The following TBC1D12 variants were observed in gnomAD, a reference collection of about 807,000 sequenced individuals.
TBC1D12 encodes TBC1 domain family, member 12.
Under a neutral mutation model 86.7 loss-of-function variants are expected in TBC1D12, and 56 were observed. The observed-to-expected ratio is 0.65, with a 90% confidence interval of 0.52 to 0.81. The LOEUF is 0.81. TBC1D12 is among the 30% of genes least tolerant of loss of function. TBC1D12 has a pLI of 0.00. For missense variants in TBC1D12, 1,023 were observed against 1,038.8 expected (o/e 0.98, Z 0.21); for synonymous variants, 421 against 411.7 (o/e 1.02, Z -0.27).
In TBC1D12 at chr10:94,522,017, T is replaced by C; in HGVS notation, c.1824T>C (p.Phe608=). ...LILNLEEADA[F]IAFANLLNKP... is the part of the protein sequence containing the mutation. ...TCAATTTGGAAGAGGCAGATGCCTT[T>C]ATCGCATTTGCCAATCTCCTGAATA... is the stretch of plus-strand genomic sequence containing the variant. The change falls in exon 10 of 13, where the codon TTT becomes TTC. Residue 608 remains phenylalanine (F), a synonymous_variant. Transcript: ENST00000225235. 6.2e-7 allele frequency: 1 copy of C among 1,612,902 alleles called. No individual in the cohort carries two copies. Among genetic ancestry groups the C allele is most frequent in the South Asian group, 1.1e-5 (1 of 90,894 alleles).
intron 3 of TBC1D12, among the ~76,000 whole-genome samples, chr10:94,477,775 C>T (rs2056013980): frequency 6.6e-6 from 1 of 152,166 alleles, no homozygotes; most frequent in African/African-American, 2.4e-5. Context: ...GCAGGGTTCC[C>T]CAAACCCCAG....
At position 94,493,385 on chromosome 10, in the gene TBC1D12, T is replaced by G. The variant is rs756442063; in HGVS notation, c.1232T>G (p.Val411Gly). The G allele has an allele frequency of 1.9e-6, 3 of 1,611,644 alleles. No individual in the cohort carries two copies. Among genetic ancestry groups the G allele is most frequent in the Non-Finnish European group, 2.5e-6 (3 of 1,179,514 alleles). ...TCCAGAAATCTTCCTGCCAAATCTGTGGAAGAAGCTTTACGTCACCGACAA... is the reference window on the plus strand; with the variant it reads ...TCCAGAAATCTTCCTGCCAAATCTGGGGAAGAAGCTTTACGTCACCGACAA... Reference protein sequence around the residue: ...DRPSNLPAKSVEEALRHRQEY... With the variant: ...DRPSNLPAKSGEEALRHRQEY... Residue 411 changes from valine to glycine, a missense_variant, in exon 4 of 13, where the codon GTG becomes GGG. Val to Gly is a moderately radical substitution (Grantham distance 109, BLOSUM62 -3). This residue lies in a region of TBC1D12 where 395 missense variants were observed against 507.7 expected (regional missense o/e 0.78). Transcript: ENST00000225235.
chr10:94,458,176 T>C (rs2055657276), intron 2 of TBC1D12, among the ~76,000 whole-genome samples: 1 of 152,036 alleles, frequency 6.6e-6, no homozygotes, highest in Admixed American at 6.5e-5. Context: ...ATTAATCTAT[T>C]TTATAGGATT....
At chr10:94,519,519 C>G (rs770466627) in intron 9 of TBC1D12, among the ~76,000 whole-genome samples, 4 of 152,194 alleles carry the variant, frequency 2.6e-5, no homozygotes, top group Non-Finnish European at 5.9e-5. Context: ...TAGGAAAACT[C>G]TGTCTCTACA....
chr10:94,451,571 G>A (rs2055549809), intron 2 of TBC1D12, among the ~76,000 whole-genome samples: 1 of 152,026 alleles, frequency 6.6e-6, no homozygotes, highest in Non-Finnish European at 1.5e-5. Flanking sequence ...ACTGTTCCCT[G>A]CTGAAATTTC....
chr10:94,416,801 G>A (rs2055004723), intron 1 of TBC1D12, among the ~76,000 whole-genome samples: 1 of 152,088 alleles, frequency 6.6e-6, no homozygotes, highest in Admixed American at 6.6e-5. Context: ...AAACATGAAA[G>A]CTTAGTATTT....
At chr10:94,458,988 G>A (rs1377738073) in intron 2 of TBC1D12, among the ~76,000 whole-genome samples, 13 of 152,130 alleles carry the variant, frequency 8.5e-5, no homozygotes, top group African/African-American at 2.2e-4. Flanking sequence ...GGACCCAAGC[G>A]GGTTGGCGTT....
In TBC1D12 at chr10:94,409,882, C is replaced by T. The variant is rs181970050; in HGVS notation, c.971+6298C>T. On this transcript the variant is annotated intron_variant, in intron 1 of 12. Transcript: ENST00000225235. ...TACCAAGAGTTTCCACACCCCTCCC[C>T]CAGTTCCCCTTTGGTTAACATCACC... is the stretch of plus-strand genomic sequence containing the variant. Among the ~76,000 whole-genome samples the T allele has an allele frequency of 5.9e-5, 9 of 152,240 alleles. No homozygotes were observed. The East Asian group carries it at 1.7e-3, about 29-fold the overall frequency.
At chr10:94,443,351 C>T (rs1181054458) in intron 2 of TBC1D12, among the ~76,000 whole-genome samples, 2 of 152,190 alleles carry the variant, frequency 1.3e-5, no homozygotes, top group African/African-American at 4.8e-5. Flanking sequence ...CTATGTTGCC[C>T]AGGCTGTCTT....
At chr10:94,524,826 TTTTTTTA>T (rs1029089148) in intron 11 of TBC1D12, among the ~76,000 whole-genome samples, 2 of 152,104 alleles carry the variant, frequency 1.3e-5, no homozygotes, top group African/African-American at 2.4e-5. Context: ...TAAAAAATTT[TTTTTTTA>T]TTTTTTATTT....
At chr10:94,527,480 A>AT (rs1448090081) in intron 11 of TBC1D12, among the ~76,000 whole-genome samples, 1 of 138,396 alleles carries the variant, frequency 7.2e-6, no homozygotes, top group Non-Finnish European at 1.5e-5. Flanking sequence ...GTTTGCAGAT[A>AT]TTTTTTCCCA....
chr10:94,448,873 C>T (rs1282249526), intron 2 of TBC1D12, among the ~76,000 whole-genome samples: 1 of 152,190 alleles, frequency 6.6e-6, no homozygotes, highest in Non-Finnish European at 1.5e-5. Context: ...TGAATAACTA[C>T]ACTTCTAGTT....
chr10:94,443,690 C>G (rs748761985), intron 2 of TBC1D12, among the ~76,000 whole-genome samples: 1 of 152,148 alleles, frequency 6.6e-6, no homozygotes, highest in African/African-American at 2.4e-5. Context: ...CTACTACATA[C>G]TTTTCTGTGG....
At chr10:94,442,695 G>A (rs1341890273) in intron 2 of TBC1D12, among the ~76,000 whole-genome samples, 3 of 152,192 alleles carry the variant, frequency 2.0e-5, no homozygotes, top group African/African-American at 7.2e-5. Context: ...GTTCAGAGAA[G>A]TTATTGCTCA....
chr10:94,413,770 A>G (rs1193574850), intron 1 of TBC1D12, among the ~76,000 whole-genome samples: 1 of 151,536 alleles, frequency 6.6e-6, no homozygotes, highest in Non-Finnish European at 1.5e-5. Context: ...TTTATGTTAG[A>G]TACTTTTTTT....
rs1266468022 is a variant in TBC1D12, at chr10:94,417,747, CTTCT to C, written c.971+14166_971+14169del. Among the ~76,000 whole-genome samples the C allele has an allele frequency of 4.0e-3, 551 of 136,098 alleles. 1 individual carries two copies. The highest frequency in any genetic ancestry group is 0.014 in the African/African-American group (512 of 35,916). The allele number at this position is 136,098 out of a possible 152,430, so 89.3% of individuals were successfully genotyped here. A position where few individuals can be genotyped will look rare whatever the true frequency, so the allele number is the denominator to read the frequency against. ...TTACCTCTATGTATATGTGTCTCTT[CTTCT>C]TTTTTTTTTTTTTTTGCTACGGAGT... On this transcript the variant is annotated intron_variant, in intron 1 of 12. Coordinates refer to ENST00000225235, the MANE Select transcript of TBC1D12 (RefSeq NM_015188.2).
intron 1 of TBC1D12, among the ~76,000 whole-genome samples, chr10:94,422,467 C>T (rs548278346): frequency 1.3e-5 from 2 of 152,170 alleles, no homozygotes; most frequent in East Asian, 1.9e-4. Context: ...GAATTACAGG[C>T]GTGAGCCACC....
intron 6 of TBC1D12, among the ~76,000 whole-genome samples, chr10:94,501,057 A>G (rs1388650587): frequency 1.3e-5 from 2 of 148,532 alleles, no homozygotes; most frequent in Admixed American, 1.4e-4. Context: ...CTCTATCTCA[A>G]ATGAATGAAT....
chr10:94,506,041 A>ATT (rs34002367), intron 6 of TBC1D12, among the ~76,000 whole-genome samples: 3,292 of 148,422 alleles, frequency 0.022, 121 homozygotes, highest in African/African-American at 0.074. Flanking sequence ...ACTTTTTGAA[A>ATT]TTTTTTTTTT....
Sources: allele counts gnomAD v4.1 joint callset (sites outside exome capture counted in the v4.1 genomes callset), GRCh38; gene constraint gnomAD v4.1.1; regional missense constraint gnomAD v4.1.1; transcripts MANE v1.5; gene names NCBI Gene and HGNC (gene_info 2026-07-23, HGNC 2026-07-21).